Variants in MAGI2 observed in about 807,000 individuals in gnomAD.
The protein encoded by MAGI2 is membrane-associated guanylate kinase, WW and PDZ domain-containing protein 2.
MAGI2 carries 35 observed loss-of-function variants against 133.3 expected under a neutral mutation model. That is an observed-to-expected ratio of 0.26 (90% CI 0.20 to 0.35). The LOEUF (loss-of-function observed/expected upper bound fraction) is 0.35, where lower values mean the gene tolerates loss of function less well. MAGI2 is among the 10% of genes least tolerant of loss of function. MAGI2 has a pLI of 1.00. For synonymous variants in MAGI2, 729 were observed against 710.6 expected (o/e 1.03, Z -0.41); for missense variants, 1,636 against 1,863.4 (o/e 0.88, Z 2.25).
chr7:78,746,314 G>T (rs553357037), intron 2 of MAGI2, among the ~76,000 whole-genome samples: 1 of 152,264 alleles, frequency 6.6e-6, no homozygotes, highest in South Asian at 2.1e-4. Flanking sequence ...TAATACTAAC[G>T]AAGTCAAATA....
At chr7:78,911,590 C>G (rs905638885) in intron 2 of MAGI2, among the ~76,000 whole-genome samples, 1 of 152,030 alleles carries the variant, frequency 6.6e-6, no homozygotes. Context: ...GTTACCCAGC[C>G]TCTGCTATTT....
chr7:78,903,087 T>C (rs907041649), intron 2 of MAGI2, among the ~76,000 whole-genome samples: 4 of 151,042 alleles, frequency 2.6e-5, no homozygotes, highest in African/African-American at 7.3e-5. Context: ...AAATAGCTTT[T>C]GCAAAATTTT....
chr7:78,848,742 G>C (rs1792862819), intron 2 of MAGI2, among the ~76,000 whole-genome samples: 1 of 151,822 alleles, frequency 6.6e-6, no homozygotes. Context: ...ATTTTTCTTT[G>C]TCACTACTTT....
At chr7:79,422,476 T>C (rs998796725) in intron 1 of MAGI2, among the ~76,000 whole-genome samples, 1 of 151,958 alleles carries the variant, frequency 6.6e-6, no homozygotes, top group Non-Finnish European at 1.5e-5. Flanking sequence ...AAACAATATA[T>C]CAGAAAAAAA....
intron 9 of MAGI2, among the ~76,000 whole-genome samples, chr7:78,283,695 T>G (rs1795855116): frequency 6.6e-6 from 1 of 152,110 alleles, no homozygotes; most frequent in Admixed American, 6.6e-5. Context: ...TGATCTAGCT[T>G]GTGTACTCAG....
At chr7:79,166,170 G>A (rs1824886021) in intron 1 of MAGI2, among the ~76,000 whole-genome samples, 2 of 152,070 alleles carry the variant, frequency 1.3e-5, no homozygotes, top group Non-Finnish European at 2.9e-5. Context: ...CCCATGCCTT[G>A]AATGTGGGTG....
intron 6 of MAGI2, among the ~76,000 whole-genome samples, chr7:78,415,808 A>C (rs909806657): frequency 1.3e-5 from 2 of 152,182 alleles, no homozygotes; most frequent in Non-Finnish European, 2.9e-5. Flanking sequence ...GACCTTGAAC[A>C]TGAACCACAG....
chr7:78,246,588 G>A (rs901515238), intron 10 of MAGI2, among the ~76,000 whole-genome samples: 4 of 152,068 alleles, frequency 2.6e-5, no homozygotes, highest in African/African-American at 9.7e-5. Flanking sequence ...AGTCATCTCT[G>A]TGCTGCTCCC....
At chr7:79,413,879 C>A (rs1028333531) in intron 1 of MAGI2, 1 of 152,116 alleles carries the variant, frequency 6.6e-6, no homozygotes, top group Non-Finnish European at 1.5e-5. Context: ...TATACCACTC[C>A]TTTGTCCATT....
At chr7:79,357,500 T>G (rs1396029137) in intron 1 of MAGI2, among the ~76,000 whole-genome samples, 1 of 152,202 alleles carries the variant, frequency 6.6e-6, no homozygotes. Flanking sequence ...ATGTCCTCTC[T>G]TAAGGCTGCC....
chr7:78,395,942 A>G (rs531465188), intron 6 of MAGI2, among the ~76,000 whole-genome samples: 1 of 152,316 alleles, frequency 6.6e-6, no homozygotes, highest in South Asian at 2.1e-4. Context: ...AATGCAGACA[A>G]TGTTAACTGT....
At chr7:78,263,386 A>G (rs1358186506) in intron 9 of MAGI2, among the ~76,000 whole-genome samples, 1 of 152,022 alleles carries the variant, frequency 6.6e-6, no homozygotes, top group Non-Finnish European at 1.5e-5. Context: ...TCTTTTTTCT[A>G]CTACTACTAC....
chr7:78,409,889 T>C (rs1310900266), intron 6 of MAGI2, among the ~76,000 whole-genome samples: 1 of 152,140 alleles, frequency 6.6e-6, no homozygotes, highest in Non-Finnish European at 1.5e-5. Context: ...ACTCTTTTTC[T>C]GTCATATTAA....
At position 78,341,758 on chromosome 7, in the gene MAGI2, C is replaced by T. The variant is rs1017287627; in HGVS notation, c.1408+2020G>A. On this transcript the variant is annotated intron_variant, in intron 9 of 21. Coordinates refer to ENST00000354212, the MANE Select transcript of MAGI2 (RefSeq NM_012301.4). ...GTGTTGGGAAAACTGGCTAGCCATA[C>T]GCAGAAAACTGAAACTGGACCCCTT... Among the ~76,000 whole-genome samples, 19 of 152,064 alleles carry T rather than the reference C, an allele frequency of 1.2e-4. No homozygotes were observed. The Middle Eastern group carries it at 0.01, about 82-fold the overall frequency.
Position 79,046,865 on chromosome 7 carries a change from C to A in MAGI2, c.302-39659G>T, listed in dbSNP as rs190257176. 4.7e-4 allele frequency among the ~76,000 whole-genome samples: 72 copies of A among 152,310 alleles called. 1 individual carries two copies. Among genetic ancestry groups the A allele is most frequent in the African/African-American group, 1.6e-3 (68 of 41,572 alleles). ...TGAAGAAGAAATGTGTAGTGCCTCA[C>A]TAAAATGTCATTTATAAGATTCAGC... On this transcript the variant is annotated intron_variant, in intron 1 of 21. Coordinates refer to ENST00000354212, the MANE Select transcript of MAGI2 (RefSeq NM_012301.4).
intron 6 of MAGI2, among the ~76,000 whole-genome samples, chr7:78,375,628 A>G (rs1045969432): frequency 2.0e-5 from 3 of 152,182 alleles, no homozygotes; most frequent in African/African-American, 4.8e-5. Context: ...TTTAGAGGTA[A>G]TGACTGTACA....
chr7:78,712,451 G>GA (rs1819290602), intron 2 of MAGI2, among the ~76,000 whole-genome samples: 2 of 152,272 alleles, frequency 1.3e-5, no homozygotes, highest in South Asian at 2.1e-4. Flanking sequence ...CATTTATAAT[G>GA]AAAAAATCTA....
intron 9 of MAGI2, among the ~76,000 whole-genome samples, chr7:78,313,076 G>A (rs1798857618): frequency 6.6e-6 from 1 of 152,094 alleles, no homozygotes; most frequent in East Asian, 1.9e-4. Flanking sequence ...GGAACTGGAG[G>A]TCCTTAAGTG....
At chr7:78,300,201 TTGC>T (rs1167142603) in intron 9 of MAGI2, among the ~76,000 whole-genome samples, 1 of 152,222 alleles carries the variant, frequency 6.6e-6, no homozygotes, top group African/African-American at 2.4e-5. Flanking sequence ...GCTATTACAC[TTGC>T]TGCTGGGTCT....
Sources: allele counts gnomAD v4.1 joint callset (sites outside exome capture counted in the v4.1 genomes callset), GRCh38; gene constraint gnomAD v4.1.1; transcripts MANE v1.5; gene names NCBI Gene and HGNC (gene_info 2026-07-23, HGNC 2026-07-21).